SFI1: variants seen among roughly 807,000 people sequenced by gnomAD.
SFI1 encodes the protein protein SFI1 homolog.
SFI1 carries 195 observed loss-of-function variants against 207.5 expected under a neutral mutation model. That is an observed-to-expected ratio of 0.94 (90% CI 0.84 to 1.06). SFI1 has a LOEUF of 1.06. Among genes scored for constraint, SFI1 ranks in the 50% least tolerant of loss-of-function variants. The probability of loss-of-function intolerance (pLI) is 0.00; values close to 1 mark genes in which losing one functional copy is unlikely to be tolerated. For missense variants in SFI1, 1,634 were observed against 1,588.0 expected (o/e 1.03, Z -0.49); for synonymous variants, 630 against 598.9 (o/e 1.05, Z -0.76).
intron 2 of SFI1, among the ~76,000 whole-genome samples, chr22:31,515,358 CT>C (rs971304407): frequency 1.3e-5 from 2 of 148,340 alleles, no homozygotes; most frequent in Non-Finnish European, 3.0e-5. Flanking sequence ...TTTTCTTTTT[CT>C]TTTTTTTGGG....
intron 6 of SFI1, among the ~76,000 whole-genome samples, chr22:31,553,034 G>A (rs1240551813): frequency 2.0e-5 from 3 of 151,914 alleles, no homozygotes; most frequent in Admixed American, 6.6e-5. Context: ...ATGGAGACAG[G>A]GTCTGGCTAT....
intron 2 of SFI1, among the ~76,000 whole-genome samples, chr22:31,526,886 C>G (rs1219509073): frequency 2.0e-5 from 3 of 151,372 alleles, no homozygotes; most frequent in Non-Finnish European, 4.4e-5. Context: ...TTGGAACTAT[C>G]AGGGAATTTT....
chr22:31,590,983 T>TTTATTTATTTATTTA (rs1556252852), intron 15 of SFI1, among the ~76,000 whole-genome samples: 20 of 138,572 alleles, frequency 1.4e-4, no homozygotes, highest in African/African-American at 3.1e-4. Context: ...TTATTTATTT[T>TTTATTTATTTATTTA]TTTATTGATA....
intron 4 of SFI1, among the ~76,000 whole-genome samples, chr22:31,546,600 G>A (rs934587861): frequency 3.3e-5 from 5 of 150,240 alleles, no homozygotes; most frequent in African/African-American, 1.2e-4. Flanking sequence ...GATTACAGGT[G>A]TGAGGCACTG....
intron 2 of SFI1, among the ~76,000 whole-genome samples, chr22:31,526,637 C>T (rs988655578): frequency 1.3e-5 from 2 of 151,982 alleles, no homozygotes; most frequent in Non-Finnish European, 1.5e-5. Context: ...TTCACTGCAG[C>T]CTCTGCCCCC....
intron 29 of SFI1, 131 bp from the exon 30 acceptor site, chr22:31,616,614 C>G: frequency 2.0e-6 from 2 of 992,202 alleles, no homozygotes; most frequent in Non-Finnish European, 2.9e-6. Context: ...GCCTGGGAAG[C>G]CCAGCTCCTG....
intron 1 of SFI1, among the ~76,000 whole-genome samples, chr22:31,505,866 A>G (rs2146535028): frequency 6.6e-6 from 1 of 152,136 alleles, no homozygotes. Flanking sequence ...CCTGGATAAT[A>G]ACATGAGACC....
At position 31,614,861 on chromosome 22, in the gene SFI1, G is replaced by T; in HGVS notation, c.3068+1G>T. On this transcript the variant is annotated splice_donor_variant, in intron 28 of 32. Transcript: ENST00000400288. LOFTEE classifies it high-confidence loss of function. ...TGTTGGAGCCTGCGCAGAGCCAGAG[G>T]TCCCTGGGGTGCAGCACCGTGGGCA... is the stretch of plus-strand genomic sequence containing the variant. 6 of 1,613,606 alleles carry T rather than the reference G, an allele frequency of 3.7e-6. No homozygotes were observed. Among genetic ancestry groups the T allele is most frequent in the Non-Finnish European group, 5.1e-6 (6 of 1,179,944 alleles).
At chr22:31,605,279 C>T (rs2068778484) in intron 20 of SFI1, 1 of 186,580 alleles carries the variant, frequency 5.4e-6, no homozygotes, top group Admixed American at 6.1e-5. Flanking sequence ...ACTCCAGAGG[C>T]TTCAGCGACT....
At chr22:31,594,342 G>A (rs928800065) in intron 15 of SFI1, among the ~76,000 whole-genome samples, 1 of 151,910 alleles carries the variant, frequency 6.6e-6, no homozygotes, top group African/African-American at 2.4e-5. Flanking sequence ...AAGGTCAAGA[G>A]TTCAAGACCA....
chr22:31,530,171 CAAAAAA>C (rs1162482504), intron 3 of SFI1, among the ~76,000 whole-genome samples: 8 of 12,092 alleles, frequency 6.6e-4, no homozygotes, highest in Admixed American at 2.3e-3. Flanking sequence ...GACTCCATCT[CAAAAAA>C]AAAAAAAAAA....
At chr22:31,499,961 G>A (rs2053430769) in intron 1 of SFI1, among the ~76,000 whole-genome samples, 1 of 148,228 alleles carries the variant, frequency 6.7e-6, no homozygotes, top group Non-Finnish European at 1.5e-5. Flanking sequence ...CTCCAGCCTG[G>A]GCGACAGAGT....
At chr22:31,559,529 T>C in intron 7 of SFI1, 1 of 569,114 alleles carries the variant, frequency 1.8e-6, no homozygotes, top group Non-Finnish European at 3.3e-6. Context: ...TTGCGAATAC[T>C]CAACAGCAAC....
chr22:31,613,525 G>T lies in SFI1; in HGVS notation c.2737G>T (p.Val913Phe). 6.3e-7 allele frequency: 1 copy of T among 1,589,682 alleles called. No individual in the cohort carries two copies. ...GCAGCAGCTGCAGGCCCAGCAGCAG[G>T]TCCAGGTAGGCCCAGGGCCCCTTCC... ...SRQQLQAQQQ[V>F]QAAHSLHRAV... is the part of the protein sequence containing the mutation. Residue 913 changes from valine (V) to phenylalanine (F), a missense_variant, in exon 26 of 33, where the codon GTC (valine) becomes TTC (phenylalanine). By Grantham distance (50) the Val-to-Phe change is conservative. Transcript: ENST00000400288.
chr22:31,521,002 CAAA>C (rs57346699), intron 2 of SFI1, among the ~76,000 whole-genome samples: 2 of 47,498 alleles, frequency 4.2e-5, no homozygotes, highest in African/African-American at 8.4e-5. Context: ...GACCCTGTCT[CAAA>C]AAAAAAAAAA....
chr22:31,595,253 C>G (rs372663086), intron 15 of SFI1, among the ~76,000 whole-genome samples: 1 of 152,200 alleles, frequency 6.6e-6, no homozygotes, highest in Non-Finnish European at 1.5e-5. Flanking sequence ...GCCTTGGCCT[C>G]CCAAAGTGCT....
intron 21 of SFI1, among the ~76,000 whole-genome samples, chr22:31,607,384 C>T (rs977937791): frequency 6.6e-6 from 1 of 152,054 alleles, no homozygotes; most frequent in Non-Finnish European, 1.5e-5. Context: ...GGGTGGATCA[C>T]TTGGGGTCAG....
chr22:31,612,382 A>AG (rs2070357391), intron 24 of SFI1: 1 of 88,362 alleles, frequency 1.1e-5, no homozygotes, highest in Non-Finnish European at 2.3e-5. Context: ...TCTGTCTAAA[A>AG]AAAAAAAAAA....
chr22:31,539,727 T>C (rs2059307555), intron 4 of SFI1, among the ~76,000 whole-genome samples: 1 of 150,562 alleles, frequency 6.6e-6, no homozygotes, highest in Non-Finnish European at 1.5e-5. Context: ...TTAGAAGCCT[T>C]TTTTTTTTGA....
Sources: gnomAD v4.1 joint callset for allele counts (sites outside exome capture counted in the v4.1 genomes callset) on GRCh38, gnomAD v4.1.1 for gene constraint, MANE v1.5 for transcripts, NCBI Gene and HGNC (gene_info 2026-07-23, HGNC 2026-07-21) for gene names.